CABIN1: variants seen among roughly 807,000 people sequenced by gnomAD.
The protein encoded by CABIN1 is calcineurin binding protein 1.
Under a neutral mutation model 227.7 loss-of-function variants are expected in CABIN1, and 133 were observed. The ratio of observed to expected loss-of-function variants is 0.58; its 90% CI spans 0.51 to 0.67. The LOEUF (loss-of-function observed/expected upper bound fraction) is 0.67, where lower values mean the gene tolerates loss of function less well. CABIN1 is among the 30% of genes least tolerant of loss of function. CABIN1 has a pLI of 0.00. For missense variants in CABIN1, 2,408 were observed against 2,852.5 expected, an observed-to-expected ratio of 0.84 and a Z score of 3.55; for synonymous variants, 1,086 against 1,155.1, an observed-to-expected ratio of 0.94 and a Z score of 1.21.
intron 33 of CABIN1, 141 bp downstream of exon 33, chr22:24,168,662 C>T (rs2046602935): frequency 1.3e-6 from 1 of 763,944 alleles, no homozygotes; most frequent in Non-Finnish European, 2.3e-6. Context: ...GAGCAGGGGG[C>T]AGCTGAGCCT....
chr22:24,120,411 C>T (rs567498960), intron 28 of CABIN1, among the ~76,000 whole-genome samples: 20 of 152,238 alleles, frequency 1.3e-4, no homozygotes, highest in Admixed American at 9.8e-4. Context: ...CTGGGCAGGA[C>T]GTAAATAATA....
In CABIN1 at chr22:24,059,861, T is replaced by C. The variant is rs1006275129; in HGVS notation, c.1400-63T>C. On this transcript the variant is annotated intron_variant, in intron 11 of 36. Coordinates refer to ENST00000263119, the MANE Select transcript of CABIN1 (RefSeq NM_012295.4). ...ACAGTCTTTACTGTCCCAAAGTAAA[T>C]AGGAGACCCTGGCATGGAAGGTACT... The C allele has an allele frequency of 3.5e-6, 5 of 1,410,204 alleles. No homozygotes were observed. In the African/African-American group the frequency reaches 7.0e-5, roughly 20 times the overall value. The allele number at this position is 1,410,204 out of a possible 1,614,324, so 87.4% of individuals were successfully genotyped here.
intron 15 of CABIN1, among the ~76,000 whole-genome samples, chr22:24,065,463 C>T (rs1163118482): frequency 1.3e-5 from 2 of 151,478 alleles, no homozygotes; most frequent in African/African-American, 2.4e-5. Context: ...CGGGCAGAGA[C>T]GCTCCTTACT....
At chr22:24,116,588 G>A (rs2043101875) in intron 27 of CABIN1, among the ~76,000 whole-genome samples, 1 of 152,244 alleles carries the variant, frequency 6.6e-6, no homozygotes, top group East Asian at 1.9e-4. Flanking sequence ...TCTCAGGCCA[G>A]TAGAGTTTGA....
rs961838706 is a variant in CABIN1, at chr22:24,168,373, C to T, written c.5683-74C>T. 8 of 1,414,626 alleles carry T rather than the reference C, an allele frequency of 5.7e-6. No homozygotes were observed. The Admixed American group carries it at 7.9e-5, about 14-fold the overall frequency. 87.6% of individuals were successfully genotyped at this position (1,414,626 alleles called of 1,614,324 possible). A position where few individuals can be genotyped will look rare whatever the true frequency, so the allele number is the denominator to read the frequency against. On this transcript the variant is annotated intron_variant, in intron 32 of 36. Transcript: ENST00000263119. ...CCCCTACCTAGGCTGGTCTGTGCTA[C>T]ATACACAGACAGGGCTGGGGGAGGC... is the stretch of plus-strand genomic sequence containing the variant.
At chr22:24,015,270 CAAAAAAAAA>C (rs1199906542) in intron 1 of CABIN1, among the ~76,000 whole-genome samples, 3 of 50,690 alleles carry the variant, frequency 5.9e-5, no homozygotes, top group Non-Finnish European at 1.0e-4. Context: ...AATCCATCTC[CAAAAAAAAA>C]AAAAAAAAAA....
chr22:24,070,959 C>T lies in CABIN1; in HGVS notation c.2392C>T (p.Leu798Phe). The change falls in exon 17 of 37, where the codon CTC becomes TTC. Residue 798 changes from leucine to phenylalanine, a missense_variant. By Grantham distance (22) the Leu-to-Phe change is conservative. Coordinates refer to ENST00000263119, the MANE Select transcript of CABIN1 (RefSeq NM_012295.4). ...TQLLMGIEQA[L>F]SADSSGSILK... ...ACTGCTGATGGGCATCGAGCAGGCCCTCTCTGCGGACAGCAGTGGTAGCAT... is the reference window on the plus strand; with the variant it reads ...ACTGCTGATGGGCATCGAGCAGGCCTTCTCTGCGGACAGCAGTGGTAGCAT... 1 of 1,614,220 alleles carries T rather than the reference C, an allele frequency of 6.2e-7. No homozygotes were observed.
chr22:24,027,927 G>T (rs1478362901), intron 1 of CABIN1, among the ~76,000 whole-genome samples: 1 of 151,444 alleles, frequency 6.6e-6, no homozygotes, highest in African/African-American at 2.4e-5. Context: ...TTCCACTTTG[G>T]GTCTACTGGC....
chr22:24,110,402 T>C (rs919314979), intron 26 of CABIN1, among the ~76,000 whole-genome samples: 2 of 152,240 alleles, frequency 1.3e-5, no homozygotes, highest in Admixed American at 6.5e-5. Context: ...AATACATTGC[T>C]ACTATTTTTG....
rs372402051 is a variant in CABIN1, at chr22:24,048,655, A to G, written c.527-436A>G. Among the ~76,000 whole-genome samples, 90 of 152,336 alleles carry G rather than the reference A, an allele frequency of 5.9e-4. 1 individual carries two copies. The South Asian group carries it at 0.018, about 30-fold the overall frequency. ...AGGCTGGTCTCCAACTCCTGGGCTC[A>G]AGCAATCTGCCCAACTCGGCCTCTA... On this transcript the variant is annotated intron_variant, in intron 6 of 36. Transcript: ENST00000263119.
At chr22:24,136,347 CTTTTTTTTTTT>C (rs71184947) in intron 29 of CABIN1, among the ~76,000 whole-genome samples, 1 of 113,226 alleles carries the variant, frequency 8.8e-6, no homozygotes, top group Non-Finnish European at 1.8e-5. Flanking sequence ...GCCATCCCTC[CTTTTTTTTTTT>C]TTTTTTTTTT....
chr22:24,127,134 G>C, intron 28 of CABIN1, among the ~76,000 whole-genome samples: 1 of 152,320 alleles, frequency 6.6e-6, no homozygotes, highest in Admixed American at 6.5e-5. Context: ...GGGGTGGCCT[G>C]TCAGAGGCCT....
chr22:24,082,678 G>A (rs2040885221), intron 19 of CABIN1, among the ~76,000 whole-genome samples: 1 of 152,158 alleles, frequency 6.6e-6, no homozygotes, highest in South Asian at 2.1e-4. Flanking sequence ...ATTCTTAGAT[G>A]TAACTTGTTT....
chr22:24,080,069 C>T (rs1279898471), intron 19 of CABIN1, among the ~76,000 whole-genome samples: 3 of 152,112 alleles, frequency 2.0e-5, no homozygotes, highest in Non-Finnish European at 4.4e-5. Context: ...TACTAGTTTG[C>T]TCTTGTATTT....
intron 34 of CABIN1, chr22:24,172,938 A>G (rs563598182): frequency 2.0e-5 from 3 of 152,320 alleles, no homozygotes; most frequent in African/African-American, 7.2e-5. Flanking sequence ...TGAAGGCCCT[A>G]TAATAGGACA....
intron 26 of CABIN1, among the ~76,000 whole-genome samples, chr22:24,110,056 A>C (rs2042725476): frequency 1.3e-5 from 2 of 152,194 alleles, no homozygotes; most frequent in South Asian, 4.1e-4. Flanking sequence ...CTGTAGTCCC[A>C]GCTACTCAGG....
chr22:24,112,863 C>G (rs7285786), intron 26 of CABIN1, among the ~76,000 whole-genome samples: 4 of 152,182 alleles, frequency 2.6e-5, no homozygotes, highest in Admixed American at 2.6e-4. Flanking sequence ...TTCTGTTCCT[C>G]CAGGTAGGCT....
intron 29 of CABIN1, among the ~76,000 whole-genome samples, chr22:24,135,634 T>C (rs1472184902): frequency 2.0e-5 from 3 of 152,140 alleles, no homozygotes; most frequent in Non-Finnish European, 4.4e-5. Context: ...TCCTTACCTA[T>C]CCACCGCCCC....
At chr22:24,175,604 C>T (rs1601311395) in intron 34 of CABIN1, among the ~76,000 whole-genome samples, 1 of 152,244 alleles carries the variant, frequency 6.6e-6, no homozygotes, top group East Asian at 1.9e-4. Flanking sequence ...CCGGCCTTGG[C>T]CCAACTGAGC....
Sources: allele counts gnomAD v4.1 joint callset (sites outside exome capture counted in the v4.1 genomes callset), GRCh38; gene constraint gnomAD v4.1.1; transcripts MANE v1.5; gene names NCBI Gene and HGNC (gene_info 2026-07-23, HGNC 2026-07-21).